The following CLNK variants were observed in gnomAD, a reference collection of about 807,000 sequenced individuals.
CLNK encodes cytokine dependent hematopoietic cell linker.
In CLNK, 74 loss-of-function variants were observed where a neutral mutation model predicts 68.6. That is an observed-to-expected ratio of 1.08 (90% CI 0.89 to 1.31). CLNK has a LOEUF of 1.31. CLNK is among the 50% of genes most tolerant of loss of function. The pLI is 0.00. For missense variants in CLNK, 553 were observed against 515.3 expected (o/e 1.07, Z -0.71); for synonymous variants, 198 against 172.2 (o/e 1.15, Z -1.17).
Position 10,528,045 on chromosome 4 carries a change from T to C in CLNK, c.649+31A>G, listed in dbSNP as rs1199923331. Reference sequence around the variant, plus strand: ...GAAAGAGAACCTAGTCTATTAGTATTAGGGTAAGAAAACAAATGTAAACAA... The same window carrying C: ...GAAAGAGAACCTAGTCTATTAGTATCAGGGTAAGAAAACAAATGTAAACAA... On this transcript the variant is annotated intron_variant, in intron 13 of 18. Transcript: ENST00000226951. 12 of 1,262,208 alleles carry C rather than the reference T, an allele frequency of 9.5e-6. No homozygotes were observed. In the East Asian group the frequency reaches 3.4e-4, roughly 36 times the overall value. The allele number at this position is 1,262,208 out of a possible 1,614,324, so 78.2% of individuals were successfully genotyped here. A position where few individuals can be genotyped will look rare whatever the true frequency, so the allele number is the denominator to read the frequency against.
intron 8 of CLNK, among the ~76,000 whole-genome samples, chr4:10,544,860 G>A (rs1560210056): frequency 6.6e-6 from 1 of 152,176 alleles, no homozygotes; most frequent in Non-Finnish European, 1.5e-5. Context: ...AGCACATGGC[G>A]AGGAGGCTGA....
chr4:10,701,048 A>G, the CLNK span, among the ~76,000 whole-genome samples: 1 of 132,286 alleles, frequency 7.6e-6, no homozygotes, highest in Non-Finnish European at 1.7e-5. Context: ...ACTTTTGCTT[A>G]GTCAAATATC....
At chr4:10,495,453 C>T (rs999570194) in intron 18 of CLNK, among the ~76,000 whole-genome samples, 6 of 152,210 alleles carry the variant, frequency 3.9e-5, no homozygotes, top group Admixed American at 6.5e-5. Flanking sequence ...AGGGACTTGA[C>T]ATGACTCTTT....
intron 3 of CLNK, among the ~76,000 whole-genome samples, chr4:10,593,958 A>G (rs6818298): frequency 0.72 from 110,011 of 152,116 alleles, 40,393 homozygotes; most frequent in East Asian, 0.92. Context: ...TCTTGGTGCC[A>G]CTGCTCAGTA....
rs35057037 is a variant in CLNK, at chr4:10,487,714, A to G, written c.*2753T>C. The G allele has an allele frequency of 0.41, 62,389 of 151,762 alleles. 12,993 individuals carry two copies. The highest frequency in any genetic ancestry group is 0.44 in the Non-Finnish European group (29,825 of 67,930). The allele number at this position is 151,762 out of a possible 1,614,324, so 9.4% of individuals were successfully genotyped here. A position where few individuals can be genotyped will look rare whatever the true frequency, so the allele number is the denominator to read the frequency against. On this transcript the variant is annotated 3_prime_UTR_variant, in exon 19 of 19. Coordinates refer to ENST00000226951, the MANE Select transcript of CLNK (RefSeq NM_052964.4). ...TAAGACCCAGACATTACTGCCCAGC[A>G]TAACACTGTCTCCTCTCTGGGCAAA...
intron 2 of CLNK, among the ~76,000 whole-genome samples, chr4:10,624,833 C>G (rs1206738339): frequency 1.3e-5 from 2 of 151,986 alleles, no homozygotes; most frequent in Non-Finnish European, 1.5e-5. Flanking sequence ...TGATTCTGTC[C>G]AAACTTTTTG....
At chr4:10,583,430 GTGCCCACCATCA>G (rs1224388801) in intron 4 of CLNK, among the ~76,000 whole-genome samples, 1 of 152,100 alleles carries the variant, frequency 6.6e-6, no homozygotes, top group African/African-American at 2.4e-5. Flanking sequence ...GGGACTACAG[GTGCCCACCATCA>G]TGCCCAGATA....
chr4:10,545,977 G>C (rs185706010), intron 8 of CLNK, among the ~76,000 whole-genome samples: 15 of 152,248 alleles, frequency 9.9e-5, no homozygotes, highest in African/African-American at 2.6e-4. Flanking sequence ...CAGTGAGCTG[G>C]TAGACAGCGC....
chr4:10,613,081 G>T (rs1050159132), intron 2 of CLNK, among the ~76,000 whole-genome samples: 3 of 152,138 alleles, frequency 2.0e-5, no homozygotes, highest in Non-Finnish European at 4.4e-5. Flanking sequence ...ACAAAATAAA[G>T]AAGATGGCTA....
chr4:10,581,410 T>C (rs1373892874), intron 4 of CLNK, among the ~76,000 whole-genome samples: 1 of 152,112 alleles, frequency 6.6e-6, no homozygotes, highest in Non-Finnish European at 1.5e-5. Context: ...CTCTGGGTAT[T>C]TCAGTTTATT....
the CLNK span, among the ~76,000 whole-genome samples, chr4:10,702,021 C>G: frequency 6.6e-6 from 1 of 152,154 alleles, no homozygotes; most frequent in Non-Finnish European, 1.5e-5. Context: ...TGTGAAGACA[C>G]GAGAACCAAG....
the CLNK span, among the ~76,000 whole-genome samples, chr4:10,716,417 A>T: frequency 2.6e-5 from 4 of 152,166 alleles, no homozygotes; most frequent in Non-Finnish European, 5.9e-5. Flanking sequence ...TTTCCACTAA[A>T]TACAACTAAA....
chr4:10,676,973 C>A (rs1057169135), intron 1 of CLNK, among the ~76,000 whole-genome samples: 1 of 113,732 alleles, frequency 8.8e-6, no homozygotes, highest in Non-Finnish European at 1.8e-5. Context: ...ACCTCTGTCT[C>A]GCCCCTATTT....
intron 4 of CLNK, among the ~76,000 whole-genome samples, chr4:10,581,428 C>A (rs1290212096): frequency 6.6e-6 from 1 of 152,054 alleles, no homozygotes; most frequent in Non-Finnish European, 1.5e-5. Flanking sequence ...ATTCACTGGA[C>A]AACAGTTCTT....
intron 2 of CLNK, among the ~76,000 whole-genome samples, chr4:10,637,629 C>T (rs1445799251): frequency 8.8e-6 from 1 of 113,518 alleles, no homozygotes; most frequent in East Asian, 3.0e-4. Flanking sequence ...GAGTCTCACT[C>T]TCTTGCCGAG....
At chr4:10,525,755 A>G in intron 14 of CLNK, 86 bp downstream of exon 14, 1 of 763,784 alleles carries the variant, frequency 1.3e-6, no homozygotes, top group Non-Finnish European at 2.1e-6. Context: ...TTCGTTTCTC[A>G]GAAAGTCTTT....
chr4:10,723,919 A>AGAGACAGAGAGAGAGAGATCGAGGGAGAG, the CLNK span, among the ~76,000 whole-genome samples: 2 of 148,028 alleles, frequency 1.4e-5, no homozygotes, highest in Non-Finnish European at 3.0e-5. Context: ...AGAGAGAGAG[A>AGAGACAGAGAGAGAGAGATCGAGGGAGAG]AGGCAGGGCA....
chr4:10,489,320 TAGCACTAATTTGA>T lies in CLNK; in HGVS notation c.*1134_*1146del, dbSNP rs1425608425. ...GCCTGTGCAACGTTACTGCAAGAAT[TAGCACTAATTTGA>T]GGACAGTTTTTCTCTGTCTTTGAAT... On this transcript the variant is annotated 3_prime_UTR_variant, in exon 19 of 19. Transcript: ENST00000226951. 1 of 152,206 alleles carries T rather than the reference TAGCACTAATTTGA, an allele frequency of 6.6e-6. No homozygotes were observed. Among genetic ancestry groups the T allele is most frequent in the Non-Finnish European group, 1.5e-5 (1 of 68,040 alleles). 9.4% of individuals were successfully genotyped at this position (152,206 alleles called of 1,614,324 possible).
At chr4:10,633,614 T>C (rs978436756) in intron 2 of CLNK, among the ~76,000 whole-genome samples, 4 of 152,192 alleles carry the variant, frequency 2.6e-5, no homozygotes, top group African/African-American at 7.2e-5. Context: ...CTCGTAGGTG[T>C]CTATCTGCAA....
Sources: allele counts gnomAD v4.1 joint callset (sites outside exome capture counted in the v4.1 genomes callset), GRCh38; gene constraint gnomAD v4.1.1; transcripts MANE v1.5; gene names NCBI Gene and HGNC (gene_info 2026-07-23, HGNC 2026-07-21).